PCM1: variants seen among roughly 807,000 people sequenced by gnomAD.
PCM1 encodes the protein pericentriolar material 1.
PCM1 carries 157 observed loss-of-function variants against 241.9 expected under a neutral mutation model. The ratio of observed to expected loss-of-function variants is 0.65; its 90% confidence interval spans 0.57 to 0.74. The LOEUF (loss-of-function observed/expected upper bound fraction) is 0.74. Ranked by LOEUF, PCM1 falls within the 30% of genes least tolerant of loss-of-function variation. The pLI is 0.00. For missense variants in PCM1, 3,478 were observed against 2,360.1 expected (o/e 1.47, Z -9.81); for synonymous variants, 1,085 against 784.9 (o/e 1.38, Z -6.39).
Position 17,959,809 on chromosome 8 carries a change from A to AT in PCM1, c.2041-203dup, listed in dbSNP as rs1019670121. On this transcript the variant is annotated intron_variant, in intron 13 of 38. Coordinates refer to ENST00000325083, the MANE Select transcript of PCM1 (RefSeq NM_006197.4). Reference sequence around the variant, plus strand: ...AAATTTCCCAATTATAAGAAGAGTTATTGAGGTGAGATAAACATGTATGCA... The same window carrying AT: ...AAATTTCCCAATTATAAGAAGAGTTATTTGAGGTGAGATAAACATGTATGCA... Among the ~76,000 whole-genome samples, 4 of 152,282 alleles carry AT rather than the reference A, an allele frequency of 2.6e-5. No homozygotes were observed. The South Asian group carries it at 8.3e-4, about 32-fold the overall frequency.
At position 17,963,260 on chromosome 8, in the gene PCM1, C is replaced by T; in HGVS notation, c.2623C>T (p.Leu875=). 8 of 1,604,808 alleles carry T rather than the reference C, an allele frequency of 5.0e-6. No individual in the cohort carries two copies. The highest frequency in any genetic ancestry group is 5.9e-6 in the Non-Finnish European group (7 of 1,177,640). The part of the protein sequence containing the change: ...VSLRSDGSEN[L]CTPQQSRTEK... ...ATTGAGAAGTGATGGATCTGAGAAC[C>T]TATGTACTCCTCAGCAAAGTAGAAC... is the stretch of plus-strand genomic sequence containing the variant. Residue 875 remains leucine, a synonymous_variant, in exon 17 of 39, where the codon CTA becomes TTA. Transcript: ENST00000325083.
At chr8:17,958,730 T>G (rs2070041731) in intron 13 of PCM1, among the ~76,000 whole-genome samples, 2 of 152,234 alleles carry the variant, frequency 1.3e-5, no homozygotes, top group African/African-American at 4.8e-5. Context: ...TTGTATTTAT[T>G]TATTTTTTGG....
intron 1 of PCM1, 44 bp from the exon 2 acceptor site, chr8:17,924,669 G>A (rs919348274): frequency 6.6e-6 from 1 of 152,122 alleles, no homozygotes; most frequent in African/African-American, 2.4e-5. Flanking sequence ...ATTTCATAGC[G>A]TAAGTAATTT....
chr8:17,986,381 G>A lies in PCM1; in HGVS notation c.4410+294G>A, dbSNP rs115597578. 3.6e-3 allele frequency: 620 copies of A among 174,012 alleles called. 2 individuals are homozygous for A. Among genetic ancestry groups the A allele is most frequent in the African/African-American group, 0.013 (567 of 42,038 alleles). The allele number at this position is 174,012 out of a possible 1,614,324, so 10.8% of individuals were successfully genotyped here. A position where few individuals can be genotyped will look rare whatever the true frequency, so the allele number is the denominator to read the frequency against. ...TGACTCTTAAAAGACATTTACAAAT[G>A]TATGTTGTATTTATTTAAGACATTC... is the stretch of plus-strand genomic sequence containing the variant. On this transcript the variant is annotated intron_variant, in intron 26 of 38. Transcript: ENST00000325083.
At chr8:17,931,596 T>C (rs1459899066) in intron 2 of PCM1, among the ~76,000 whole-genome samples, 1 of 152,216 alleles carries the variant, frequency 6.6e-6, no homozygotes, top group Non-Finnish European at 1.5e-5. Flanking sequence ...CATTATTCTA[T>C]TAATAGAAAG....
intron 29 of PCM1, among the ~76,000 whole-genome samples, chr8:17,999,202 C>G (rs983205238): frequency 6.6e-6 from 1 of 151,904 alleles, no homozygotes; most frequent in Non-Finnish European, 1.5e-5. Flanking sequence ...CTCTACTTTT[C>G]TCAAGCAGAA....
intron 26 of PCM1, among the ~76,000 whole-genome samples, chr8:17,987,762 T>C (rs888774976): frequency 3.3e-5 from 5 of 151,884 alleles, no homozygotes; most frequent in African/African-American, 7.2e-5. Flanking sequence ...AGTAGAACTT[T>C]CTATAGTGAT....
At chr8:17,924,206 A>G (rs962305894) in intron 1 of PCM1, among the ~76,000 whole-genome samples, 6 of 152,032 alleles carry the variant, frequency 3.9e-5, no homozygotes, top group Non-Finnish European at 2.9e-5. Flanking sequence ...TTCTTTCCCT[A>G]GCACCTTCCT....
In PCM1 at chr8:17,960,423, A is replaced by G. The variant is rs2071149637; in HGVS notation, c.2301A>G (p.Gln767=). ...IDIQEKIQAL[Q]TACPDLQLSA... ...TTCAGGAGAAAATTCAAGCATTGCA[A>G]ACGGCATGCCCTGACTTACAGGTAA... Residue 767 remains glutamine (Q), a synonymous_variant, in exon 15 of 39, where the codon CAA becomes CAG. Coordinates refer to ENST00000325083, the MANE Select transcript of PCM1 (RefSeq NM_006197.4). 1 of 1,603,286 alleles carries G rather than the reference A, an allele frequency of 6.2e-7. No homozygotes were observed. Among genetic ancestry groups the G allele is most frequent in the Non-Finnish European group, 8.5e-7 (1 of 1,176,432 alleles).
At chr8:17,967,493 A>G (rs2075341119) in intron 21 of PCM1, among the ~76,000 whole-genome samples, 1 of 151,174 alleles carries the variant, frequency 6.6e-6, no homozygotes, top group South Asian at 2.1e-4. Flanking sequence ...TTTTTAGTAG[A>G]GATGGGGTTT....
chr8:17,970,227 C>G (rs7009835), intron 22 of PCM1, among the ~76,000 whole-genome samples: 8,635 of 152,092 alleles, frequency 0.057, 836 homozygotes, highest in African/African-American at 0.2. Flanking sequence ...TTTAGGATTT[C>G]TTCTGAAACA....
At chr8:17,938,436 A>G (rs1175214038) in intron 4 of PCM1, among the ~76,000 whole-genome samples, 1 of 152,188 alleles carries the variant, frequency 6.6e-6, no homozygotes, top group Non-Finnish European at 1.5e-5. Flanking sequence ...TGAAACTCCT[A>G]ACACTTCTTG....
chr8:17,993,156 C>A (rs1275792112), intron 28 of PCM1, among the ~76,000 whole-genome samples: 1 of 151,940 alleles, frequency 6.6e-6, no homozygotes, highest in Non-Finnish European at 1.5e-5. Context: ...GTCATGAAGT[C>A]TTTGCCTAAG....
intron 7 of PCM1, 88 bp from the exon 8 acceptor site, chr8:17,950,527 C>G: frequency 1.4e-6 from 1 of 711,538 alleles, no homozygotes; most frequent in Non-Finnish European, 2.4e-6. Context: ...TTTTTAAATT[C>G]TTTTTTTAAA....
chr8:17,923,949 G>A (rs2055735394), intron 1 of PCM1, among the ~76,000 whole-genome samples: 1 of 152,072 alleles, frequency 6.6e-6, no homozygotes, highest in African/African-American at 2.4e-5. Context: ...CGCCAACTTT[G>A]CATCCCTCAG....
At chr8:17,969,131 A>G (rs1467154148) in intron 21 of PCM1, among the ~76,000 whole-genome samples, 3 of 152,178 alleles carry the variant, frequency 2.0e-5, no homozygotes, top group African/African-American at 7.2e-5. Context: ...AGTAGAAACA[A>G]CATAAGCGTA....
intron 29 of PCM1, among the ~76,000 whole-genome samples, chr8:18,000,062 T>C (rs1022997320): frequency 2.0e-5 from 3 of 152,182 alleles, no homozygotes; most frequent in Admixed American, 6.5e-5. Context: ...TTTGGTGATA[T>C]GATGGTGTCT....
At chr8:17,975,103 G>T (rs2078273395) in intron 23 of PCM1, among the ~76,000 whole-genome samples, 2 of 152,046 alleles carry the variant, frequency 1.3e-5, no homozygotes, top group South Asian at 4.1e-4. Flanking sequence ...ATGCATTTTG[G>T]CAAGATTTTT....
intron 36 of PCM1, among the ~76,000 whole-genome samples, chr8:18,020,150 T>C (rs958733991): frequency 1.3e-5 from 2 of 152,160 alleles, no homozygotes; most frequent in African/African-American, 4.8e-5. Context: ...TTTAAAACCT[T>C]TCACTTTGGG....
Sources: allele counts gnomAD v4.1 joint callset (sites outside exome capture counted in the v4.1 genomes callset), GRCh38; gene constraint gnomAD v4.1.1; transcripts MANE v1.5; gene names NCBI Gene and HGNC (gene_info 2026-07-23, HGNC 2026-07-21).